The following ITPA variants were observed in gnomAD, a reference collection of about 807,000 sequenced individuals.
ITPA encodes inosine triphosphatase, also known as inosine triphosphate pyrophosphatase.
In ITPA, 29 loss-of-function variants were observed where a neutral mutation model predicts 29.6. That is an observed-to-expected ratio of 0.98 (90% CI 0.73 to 1.34). The LOEUF (loss-of-function observed/expected upper bound fraction) is 1.34, where lower values mean the gene tolerates loss of function less well. ITPA is among the 40% of genes most tolerant of loss of function. ITPA has a pLI of 0.00. For synonymous variants in ITPA, 103 were observed against 99.3 expected (o/e 1.04, Z -0.22); for missense variants, 241 against 251.5 (o/e 0.96, Z 0.28).
At chr20:3,209,336 G>C, upstream of ITPA, 1 of 636,680 alleles carries the variant, frequency 1.6e-6, no homozygotes, top group Non-Finnish European at 2.9e-6. This position sits in a 1 kb window ranked among gnomAD's most constrained non-coding sequence, Gnocchi z 4.6. Context: ...GGGTCACTCA[G>C]TCTCCAGGCT....
At chr20:3,212,690 A>G (rs557517381) in intron 1 of ITPA, among the ~76,000 whole-genome samples, 15 of 152,334 alleles carry the variant, frequency 9.8e-5, no homozygotes, top group Non-Finnish European at 1.3e-4. Context: ...AGTTATAACA[A>G]CATCTGTGAT....
upstream of ITPA, among the ~76,000 whole-genome samples, chr20:3,206,307 G>A (rs1405052403): frequency 2.8e-5 from 4 of 143,724 alleles, no homozygotes; most frequent in African/African-American, 7.9e-5. Flanking sequence ...AGAATCTCTC[G>A]AAGCCGGGAG....
intron 5 of ITPA, 103 bp downstream of exon 5, chr20:3,215,415 C>A: frequency 9.6e-7 from 1 of 1,042,220 alleles, no homozygotes; most frequent in Non-Finnish European, 1.5e-6. Context: ...CAGGTTCTAG[C>A]CCCCACCATG....
At chr20:3,213,434 C>T (rs752125365) in intron 3 of ITPA, 51 bp downstream of exon 3, 7 of 1,609,736 alleles carry the variant, frequency 4.3e-6, no homozygotes, top group South Asian at 1.1e-5. Flanking sequence ...CAGGTAGCTT[C>T]CAGGGCCTGC....
intron 1 of ITPA, among the ~76,000 whole-genome samples, chr20:3,210,920 A>G (rs2067155403): frequency 6.6e-6 from 1 of 151,784 alleles, no homozygotes; most frequent in African/African-American, 2.4e-5. Flanking sequence ...GCATGGTGAC[A>G]CGTGCCTGTA....
intron 5 of ITPA, among the ~76,000 whole-genome samples, chr20:3,218,197 CA>C (rs1247930756): frequency 5.3e-5 from 8 of 152,228 alleles, no homozygotes; most frequent in Non-Finnish European, 1.2e-4. Flanking sequence ...GGATTACTGG[CA>C]TGAGCCACCA....
At chr20:3,218,775 T>C (rs1485278681) in intron 6 of ITPA, 143 bp downstream of exon 6, 5 of 703,854 alleles carry the variant, frequency 7.1e-6, no homozygotes, top group East Asian at 2.7e-5. Context: ...GAGGCTCCCC[T>C]GCGCAGCATA....
At chr20:3,206,799 C>T (rs1248238004), upstream of ITPA, among the ~76,000 whole-genome samples, 1 of 150,912 alleles carries the variant, frequency 6.6e-6, no homozygotes, top group Non-Finnish European at 1.5e-5. Flanking sequence ...CCACTGCACT[C>T]CAGCCTGGGC....
rs1453042023 is a variant in ITPA, at chr20:3,213,898, C to T, written c.190-87C>T. The T allele has an allele frequency of 2.9e-6, 4 of 1,381,746 alleles. No individual in the cohort carries two copies. The African/African-American group carries it at 5.7e-5, about 20-fold the overall frequency. The allele number at this position is 1,381,746 out of a possible 1,614,324, so 85.6% of individuals were successfully genotyped here. A position where few individuals can be genotyped will look rare whatever the true frequency, so the allele number is the denominator to read the frequency against. On this transcript the variant is annotated intron_variant, in intron 3 of 7. Coordinates refer to ENST00000380113, the MANE Select transcript of ITPA (RefSeq NM_033453.4). ...CAGATCTCAGCTAGCTGAGGGCTGG[C>T]CCCAGCCTGGGTGACGCGGGTGACC...
At chr20:3,221,644 G>A in intron 6 of ITPA, 197 bp from the exon 7 acceptor site, 1 of 657,808 alleles carries the variant, frequency 1.5e-6, no homozygotes, top group Non-Finnish European at 2.8e-6. Context: ...CCCTGTGTGT[G>A]AGGGAAGAGC....
At chr20:3,224,035 C>T (rs572208173), downstream of ITPA, among the ~76,000 whole-genome samples, 18 of 152,290 alleles carry the variant, frequency 1.2e-4, no homozygotes, top group Non-Finnish European at 7.4e-5. Flanking sequence ...GCATGGATTG[C>T]GGGCTGACCT....
chr20:3,221,424 G>A (rs755848189), intron 6 of ITPA, among the ~76,000 whole-genome samples: 7 of 152,162 alleles, frequency 4.6e-5, no homozygotes, highest in Admixed American at 1.3e-4. Context: ...TTTCAGGAAC[G>A]CTGTCATAGT....
intron 6 of ITPA, among the ~76,000 whole-genome samples, chr20:3,219,968 G>A (rs542602238): frequency 5.3e-5 from 8 of 149,664 alleles, no homozygotes; most frequent in African/African-American, 1.2e-4. Context: ...CCTGAGCCTC[G>A]GAGTTTGACG....
downstream of ITPA, among the ~76,000 whole-genome samples, chr20:3,225,932 G>T (rs1310359784): frequency 6.6e-6 from 1 of 152,126 alleles, no homozygotes; most frequent in Non-Finnish European, 1.5e-5. Flanking sequence ...GGGAGGCTGG[G>T]GCATGAGAAT....
At chr20:3,215,365 T>C (rs1356041008) in intron 5 of ITPA, 53 bp downstream of exon 5, 3 of 1,566,194 alleles carry the variant, frequency 1.9e-6, no homozygotes, top group African/African-American at 2.7e-5. Flanking sequence ...GAATCTGGGC[T>C]TTGTCTAGGG....
Position 3,221,885 on chromosome 20 carries a change from C to T in ITPA, c.456C>T (p.Asp152=), listed in dbSNP as rs2067473198. ...APRGCQDFGW[D]PCFQPDGYEQ... is the part of the protein sequence containing the mutation. ...GAGGCTGCCAGGACTTTGGCTGGGA[C>T]CCCTGCTTTCAGCCTGATGGATATG... The change falls in exon 7 of 8, where the codon GAC becomes GAT. Residue 152 remains aspartate (D), a synonymous_variant. Transcript: ENST00000380113. 3 of 1,614,016 alleles carry T rather than the reference C, an allele frequency of 1.9e-6. No homozygotes were observed. Among genetic ancestry groups the T allele is most frequent in the African/African-American group, 2.7e-5 (2 of 75,066 alleles).
chr20:3,222,985 G>C (rs2067504659), intron 7 of ITPA, among the ~76,000 whole-genome samples: 1 of 152,182 alleles, frequency 6.6e-6, no homozygotes, highest in South Asian at 2.1e-4. Context: ...CTGTTCAAGT[G>C]CTCCCCCGCC....
At chr20:3,217,598 A>T (rs1195786892) in intron 5 of ITPA, among the ~76,000 whole-genome samples, 1 of 151,348 alleles carries the variant, frequency 6.6e-6, no homozygotes, top group Non-Finnish European at 1.5e-5. Context: ...CCTCCTGAGG[A>T]GCTGGGACTA....
chr20:3,221,986 C>T (rs1357856946), intron 7 of ITPA, 69 bp downstream of exon 7: 3 of 1,473,200 alleles, frequency 2.0e-6, no homozygotes, highest in South Asian at 1.1e-5. Flanking sequence ...TGGGCCAGTG[C>T]CCCGCCCAAG....
Sources: allele counts gnomAD v4.1 joint callset (sites outside exome capture counted in the v4.1 genomes callset), GRCh38; gene constraint gnomAD v4.1.1; non-coding constraint Gnocchi (gnomAD v3.1); transcripts MANE v1.5; gene names NCBI Gene and HGNC (gene_info 2026-07-23, HGNC 2026-07-21).